EPYC: variants seen among roughly 807,000 people sequenced by gnomAD.
EPYC encodes the protein dermatan sulfate proteoglycan 3.
In EPYC, 28 loss-of-function variants were observed where a neutral mutation model predicts 30.1. The observed-to-expected ratio is 0.93, with a 90% CI of 0.69 to 1.28. The LOEUF is 1.28. Ranked by LOEUF, EPYC falls within the 50% of genes most tolerant of loss-of-function variation. EPYC has a pLI of 0.00. For synonymous variants in EPYC, 144 were observed against 141.4 expected (o/e 1.02, Z -0.13); for missense variants, 382 against 383.5 (o/e 1.00, Z 0.03).
intron 3 of EPYC, among the ~76,000 whole-genome samples, chr12:90,975,046 T>C (rs957701148): frequency 6.6e-6 from 1 of 152,112 alleles, no homozygotes; most frequent in Non-Finnish European, 1.5e-5. Context: ...CTGTTTGTGG[T>C]TTGTAATCAA....
Position 90,971,998 on chromosome 12 carries a change from A to G in EPYC, c.504T>C (p.Asp168=). 1 of 1,537,724 alleles carries G rather than the reference A, an allele frequency of 6.5e-7. No individual in the cohort carries two copies. The part of the protein sequence containing the change: ...INKNDFASLS[D]LKRIDLTSNL... ...TTGATGTCAGATCAATCCTTTTTAA[A>G]TCACCTAGCAGAAAAAAATAAAGGA... Residue 168 remains aspartate, a synonymous_variant, in exon 5 of 7, where the codon GAT becomes GAC. Coordinates refer to ENST00000261172, the MANE Select transcript of EPYC (RefSeq NM_004950.5).
intron 2 of EPYC, among the ~76,000 whole-genome samples, chr12:90,983,851 C>A (rs1212157226): frequency 6.6e-6 from 1 of 152,102 alleles, no homozygotes; most frequent in Non-Finnish European, 1.5e-5. Context: ...TCTTTAGGCA[C>A]CCAGGCTCAC....
At chr12:90,979,760 C>G (rs1262197754) in intron 2 of EPYC, among the ~76,000 whole-genome samples, 1 of 152,016 alleles carries the variant, frequency 6.6e-6, no homozygotes, top group Non-Finnish European at 1.5e-5. Flanking sequence ...CTGTGTACCT[C>G]TAGGCTGTAA....
At chr12:90,981,601 A>C (rs1877327103) in intron 2 of EPYC, among the ~76,000 whole-genome samples, 1 of 152,108 alleles carries the variant, frequency 6.6e-6, no homozygotes, top group Non-Finnish European at 1.5e-5. Context: ...CAGAAAGTGC[A>C]TTTAAATGAT....
At chr12:90,977,976 C>A (rs1877226631) in intron 3 of EPYC, 112 bp downstream of exon 3, 1 of 923,190 alleles carries the variant, frequency 1.1e-6, no homozygotes, top group African/African-American at 1.7e-5. Context: ...CTAGCCTATT[C>A]CAAAACTTTT....
intron 2 of EPYC, among the ~76,000 whole-genome samples, chr12:90,992,206 G>A (rs1281768485): frequency 6.6e-6 from 1 of 152,152 alleles, no homozygotes; most frequent in Admixed American, 6.5e-5. Context: ...GCATTCCTAT[G>A]AGAGTCTAAT....
At chr12:90,971,254 C>T (rs1402160456) in intron 5 of EPYC, among the ~76,000 whole-genome samples, 4 of 152,030 alleles carry the variant, frequency 2.6e-5, no homozygotes, top group Non-Finnish European at 4.4e-5. Flanking sequence ...TTATTCTGGC[C>T]CTGCTTTCTG....
At chr12:90,968,581 A>T (rs1876957546) in intron 6 of EPYC, among the ~76,000 whole-genome samples, 1 of 152,246 alleles carries the variant, frequency 6.6e-6, no homozygotes, top group African/African-American at 2.4e-5. Flanking sequence ...TTGTGAGCTG[A>T]CAGTGACGGA....
intron 3 of EPYC, among the ~76,000 whole-genome samples, chr12:90,977,450 G>A (rs554075319): frequency 6.6e-6 from 1 of 152,244 alleles, no homozygotes; most frequent in South Asian, 2.1e-4. Flanking sequence ...TGCTTCTTAG[G>A]ATTGAGTGAG....
chr12:90,978,349 T>C, intron 2 of EPYC, 87 bp from the exon 3 acceptor site: 1 of 1,348,224 alleles, frequency 7.4e-7, no homozygotes, highest in Non-Finnish European at 1.0e-6. Flanking sequence ...AATGTACCCA[T>C]ATTTGCCACA....
intron 6 of EPYC, among the ~76,000 whole-genome samples, chr12:90,969,522 T>TA (rs1876981535): frequency 5.1e-5 from 3 of 59,314 alleles, no homozygotes; most frequent in African/African-American, 8.7e-5. Flanking sequence ...AATATGGTGT[T>TA]TAAAAAAAAA....
At position 90,987,921 on chromosome 12, in the gene EPYC, C is replaced by T. The variant is rs1374132736; in HGVS notation, c.166-9659G>A. On this transcript the variant is annotated intron_variant, in intron 2 of 6. Coordinates refer to ENST00000261172, the MANE Select transcript of EPYC (RefSeq NM_004950.5). ...CTATAGCCTCTTTATCTCGGTCACA[C>T]TCCTTACAATTTTGACTGAAAACCC... 5.9e-5 allele frequency among the ~76,000 whole-genome samples: 9 copies of T among 152,124 alleles called. 1 individual carries two copies. The highest frequency in any genetic ancestry group is 5.2e-4 in the Admixed American group (8 of 15,258).
chr12:90,967,517 A>G (rs1440583471), intron 6 of EPYC, among the ~76,000 whole-genome samples: 1 of 152,188 alleles, frequency 6.6e-6, no homozygotes, highest in Non-Finnish European at 1.5e-5. Context: ...GTGGCCTAGT[A>G]TGTGGTCTAC....
At chr12:90,995,054 A>T (rs997508023) in intron 2 of EPYC, among the ~76,000 whole-genome samples, 3 of 152,100 alleles carry the variant, frequency 2.0e-5, no homozygotes, top group African/African-American at 7.2e-5. Context: ...TGACATATAG[A>T]TATGTTAAGC....
intron 2 of EPYC, among the ~76,000 whole-genome samples, chr12:90,993,919 G>A (rs989284677): frequency 1.3e-5 from 2 of 152,026 alleles, no homozygotes; most frequent in Non-Finnish European, 2.9e-5. Flanking sequence ...CAGATTAGCT[G>A]CCAGATTTAA....
intron 1 of EPYC, among the ~76,000 whole-genome samples, chr12:91,004,653 G>A (rs1312049383): frequency 1.3e-5 from 2 of 151,890 alleles, no homozygotes; most frequent in Non-Finnish European, 2.9e-5. Context: ...CAAAGAATGT[G>A]GTCTGTGTCA....
chr12:90,991,079 C>G (rs1272560311), intron 2 of EPYC, among the ~76,000 whole-genome samples: 2 of 151,948 alleles, frequency 1.3e-5, no homozygotes, highest in Non-Finnish European at 2.9e-5. Flanking sequence ...AGATTTTATC[C>G]AGTCTCAATA....
In EPYC at chr12:90,964,017, C is replaced by T. The variant is rs1876827626; in HGVS notation, c.*139G>A. ...TTAAATTACTACATTTTCATTATAA[C>T]ATTTTTAATTGTATTTTATGTAGTC... On this transcript the variant is annotated 3_prime_UTR_variant, in exon 7 of 7. Transcript: ENST00000261172. The T allele has an allele frequency of 4.8e-6, 2 of 412,868 alleles. No individual in the cohort carries two copies. The highest frequency in any genetic ancestry group is 4.5e-5 in the African/African-American group (2 of 44,394). 25.6% of individuals were successfully genotyped at this position (412,868 alleles called of 1,614,324 possible).
At chr12:90,982,915 G>A (rs578184528) in intron 2 of EPYC, among the ~76,000 whole-genome samples, 6 of 152,112 alleles carry the variant, frequency 3.9e-5, no homozygotes, top group South Asian at 2.1e-4. Context: ...TTGATTCTTT[G>A]TCTTGGCCTT....
Sources: allele counts gnomAD v4.1 joint callset (sites outside exome capture counted in the v4.1 genomes callset), GRCh38; gene constraint gnomAD v4.1.1; transcripts MANE v1.5; gene names NCBI Gene and HGNC (gene_info 2026-07-23, HGNC 2026-07-21).